Variants in TRMT1L observed in about 807,000 individuals in gnomAD.
The protein encoded by TRMT1L is tRNA (guanine(27)-N(2))-dimethyltransferase.
A neutral mutation model predicts 81.6 loss-of-function variants in TRMT1L; 28 were observed. That is an observed-to-expected ratio of 0.34 (90% CI 0.25 to 0.47). TRMT1L has a LOEUF of 0.47. Ranked by LOEUF, TRMT1L falls within the 20% of genes least tolerant of loss-of-function variation. The probability of loss-of-function intolerance (pLI) is 1.00; values close to 1 mark genes in which losing one functional copy is unlikely to be tolerated. For missense variants in TRMT1L, 739 were observed against 877.1 expected, an observed-to-expected ratio of 0.84 and a Z score of 1.99; for synonymous variants, 301 against 303.2, an observed-to-expected ratio of 0.99 and a Z score of 0.07.
chr1:185,139,228 A>G, intron 9 of TRMT1L, 139 bp downstream of exon 9: 1 of 624,468 alleles, frequency 1.6e-6, no homozygotes, highest in Non-Finnish European at 2.6e-6. Flanking sequence ...ACCACGTAAG[A>G]TTAAAAACCA....
At chr1:185,136,128 G>A (rs1461898365) in intron 10 of TRMT1L, among the ~76,000 whole-genome samples, 1 of 152,194 alleles carries the variant, frequency 6.6e-6, no homozygotes, top group Non-Finnish European at 1.5e-5. Flanking sequence ...AAGCACTAGA[G>A]GCTGGGTGCA....
At position 185,147,219 on chromosome 1, in the gene TRMT1L, G is replaced by C; in HGVS notation, c.488C>G (p.Pro163Arg). The C allele has an allele frequency of 6.2e-7, 1 of 1,610,560 alleles. No homozygotes were observed. The highest frequency in any genetic ancestry group is 8.5e-7 in the Non-Finnish European group (1 of 1,177,784). The change falls in exon 4 of 15, where the codon CCT (proline) becomes CGT (arginine). Residue 163 changes from proline (P) to arginine (R), a missense_variant. Around this residue, in one of 4 missense-constraint regions of TRMT1L, gnomAD observed 331 missense variants for 462.2 expected, o/e 0.72. Transcript: ENST00000367506. Reference protein sequence around the residue: ...EGYRMCICHLPCRPVKPNIIG... With the variant: ...EGYRMCICHLRCRPVKPNIIG... The stretch of plus-strand genomic sequence containing the variant: ...AATGTTTGGTTTCACTGGTCGACAA[G>C]GTAAGTGACAGATGCACATCCTGTA...
At chr1:185,157,172 G>A (rs1653646269), upstream of TRMT1L, 1 of 163,184 alleles carries the variant, frequency 6.1e-6, no homozygotes, top group Admixed American at 6.1e-5. Context: ...GCGGTGAGTA[G>A]GTAGTGCGGA....
In TRMT1L at chr1:185,134,433, C is replaced by T. The variant is rs139882303; in HGVS notation, c.1513+3173G>A. On this transcript the variant is annotated intron_variant, in intron 10 of 14. Transcript: ENST00000367506. ...AACTCCTGACCTCAGGTGGTCCGTCCGCCTCAGCCTCCCAAACTGTTGGGA... is the reference window on the plus strand; with the variant it reads ...AACTCCTGACCTCAGGTGGTCCGTCTGCCTCAGCCTCCCAAACTGTTGGGA... 1.3e-3 allele frequency among the ~76,000 whole-genome samples: 192 copies of T among 152,268 alleles called. 5 individuals are homozygous for T. The East Asian group carries it at 0.031, about 24-fold the overall frequency.
intron 1 of TRMT1L, among the ~76,000 whole-genome samples, chr1:185,153,079 T>C (rs1407556): frequency 0.51 from 77,268 of 152,096 alleles, 21,125 homozygotes; most frequent in African/African-American, 0.73. Context: ...AACTAGGCTA[T>C]GTAAAATTAA....
intron 11 of TRMT1L, among the ~76,000 whole-genome samples, chr1:185,128,127 A>C (rs1405351202): frequency 1.3e-5 from 2 of 152,194 alleles, no homozygotes; most frequent in African/African-American, 2.4e-5. Context: ...AAAAACAAAC[A>C]AACAAAAAAA....
At chr1:185,133,331 G>A (rs1441038273) in intron 10 of TRMT1L, among the ~76,000 whole-genome samples, 1 of 151,970 alleles carries the variant, frequency 6.6e-6, no homozygotes, top group Non-Finnish European at 1.5e-5. Context: ...CTAAAGTGCT[G>A]GGATTACTGG....
intron 12 of TRMT1L, 159 bp downstream of exon 12, chr1:185,124,785 T>A: frequency 1.8e-6 from 1 of 568,598 alleles, no homozygotes. Flanking sequence ...ACTATGTAAT[T>A]AAAAAAAAAC....
At chr1:185,128,008 G>T (rs555549927) in intron 11 of TRMT1L, among the ~76,000 whole-genome samples, 79 of 151,718 alleles carry the variant, frequency 5.2e-4, no homozygotes, top group African/African-American at 1.7e-3. Context: ...CAGCTACTCA[G>T]GAGGCTGAGG....
chr1:185,148,317 C>G (rs954876057), intron 3 of TRMT1L, among the ~76,000 whole-genome samples: 1 of 152,168 alleles, frequency 6.6e-6, no homozygotes, highest in Non-Finnish European at 1.5e-5. Context: ...TTCCGGCCTT[C>G]TTTCCCACAC....
At chr1:185,126,451 C>T (rs1250282458) in intron 11 of TRMT1L, among the ~76,000 whole-genome samples, 7 of 152,086 alleles carry the variant, frequency 4.6e-5, no homozygotes, top group Admixed American at 1.3e-4. Flanking sequence ...TGAACCACCA[C>T]GCCTGGCCAA....
At chr1:185,139,010 C>T (rs1316219813) in intron 9 of TRMT1L, among the ~76,000 whole-genome samples, 2 of 152,098 alleles carry the variant, frequency 1.3e-5, no homozygotes, top group African/African-American at 4.8e-5. Context: ...AGTCTTGTTT[C>T]ATCCTGGGCA....
chr1:185,147,344 C>A, intron 3 of TRMT1L, 98 bp from the exon 4 acceptor site: 1 of 849,814 alleles, frequency 1.2e-6, no homozygotes, highest in South Asian at 1.6e-5. Context: ...TGGTATTACC[C>A]TTACATTTGT....
chr1:185,139,305 T>C (rs1652977148), intron 9 of TRMT1L, 62 bp downstream of exon 9: 2 of 1,368,926 alleles, frequency 1.5e-6, no homozygotes, highest in Non-Finnish European at 1.0e-6. Context: ...GTACTTCTTG[T>C]AATATTATCT....
intron 11 of TRMT1L, among the ~76,000 whole-genome samples, chr1:185,125,451 G>A (rs1156246313): frequency 6.6e-6 from 1 of 152,038 alleles, no homozygotes; most frequent in Middle Eastern, 3.2e-3. Context: ...ACAGGTGTGA[G>A]ACACCACACT....
intron 7 of TRMT1L, among the ~76,000 whole-genome samples, chr1:185,141,051 C>T (rs1369281310): frequency 6.6e-6 from 1 of 151,678 alleles, no homozygotes; most frequent in African/African-American, 2.4e-5. Flanking sequence ...GGCCCCTTTT[C>T]ACAGTTTTTC....
chr1:185,141,005 A>G (rs1042920604), intron 7 of TRMT1L, among the ~76,000 whole-genome samples: 7 of 151,882 alleles, frequency 4.6e-5, no homozygotes, highest in Non-Finnish European at 1.0e-4. Flanking sequence ...CAAAAACAAA[A>G]AAGCGAATGA....
chr1:185,131,047 T>C (rs1652756961), intron 10 of TRMT1L, among the ~76,000 whole-genome samples: 2 of 152,056 alleles, frequency 1.3e-5, no homozygotes, highest in African/African-American at 4.8e-5. Flanking sequence ...TTGCCTAGGC[T>C]CAAGTGCAGT....
intron 11 of TRMT1L, among the ~76,000 whole-genome samples, chr1:185,128,255 T>A (rs1400420632): frequency 6.6e-6 from 1 of 152,244 alleles, no homozygotes; most frequent in Non-Finnish European, 1.5e-5. Context: ...GGCAGACACT[T>A]TCACATGCCT....
Sources: allele counts gnomAD v4.1 joint callset (sites outside exome capture counted in the v4.1 genomes callset), GRCh38; gene constraint gnomAD v4.1.1; regional missense constraint gnomAD v4.1.1; transcripts MANE v1.5; gene names NCBI Gene and HGNC (gene_info 2026-07-23, HGNC 2026-07-21).